WDR41: variants seen among roughly 807,000 people sequenced by gnomAD.
The protein encoded by WDR41 is WD repeat-containing protein 41.
In WDR41, 63 loss-of-function variants were observed where a neutral mutation model predicts 69.3. The observed-to-expected ratio is 0.91, with a 90% CI of 0.74 to 1.12. WDR41 has a LOEUF of 1.12. WDR41 is among the 50% of genes most tolerant of loss of function. The probability of loss-of-function intolerance (pLI) is 0.00; values close to 1 mark genes in which losing one functional copy is unlikely to be tolerated. For missense variants in WDR41, 543 were observed against 534.5 expected (o/e 1.02, Z -0.16); for synonymous variants, 185 against 192.1 (o/e 0.96, Z 0.31).
chr5:77,470,451 G>A (rs1221672017), intron 2 of WDR41, among the ~76,000 whole-genome samples: 1 of 151,988 alleles, frequency 6.6e-6, no homozygotes, highest in Non-Finnish European at 1.5e-5. Context: ...ATGTAAATGG[G>A]CTAAATGCTC....
At chr5:77,477,094 T>G (rs1800975664) in intron 2 of WDR41, among the ~76,000 whole-genome samples, 1 of 147,850 alleles carries the variant, frequency 6.8e-6, no homozygotes, top group Non-Finnish European at 1.5e-5. Flanking sequence ...TACATCATGG[T>G]AAAGGGATCA....
intron 8 of WDR41, among the ~76,000 whole-genome samples, chr5:77,445,693 A>G (rs1799353759): frequency 6.6e-6 from 1 of 152,246 alleles, no homozygotes. Flanking sequence ...ATCTTAATAG[A>G]TGCAGAAAAG....
At chr5:77,469,841 T>C (rs1800490083) in intron 2 of WDR41, among the ~76,000 whole-genome samples, 1 of 152,144 alleles carries the variant, frequency 6.6e-6, no homozygotes, top group South Asian at 2.1e-4. Context: ...GGAACCAAGT[T>C]GGAAAACACT....
chr5:77,582,283 T>C, intron 1 of WDR41: 1 of 1,239,616 alleles, frequency 8.1e-7, no homozygotes, highest in South Asian at 1.3e-5. Context: ...CAACTCTGGC[T>C]CAGCAAGAAA....
At chr5:77,582,926 T>C in intron 1 of WDR41, 1 of 1,609,696 alleles carries the variant, frequency 6.2e-7, no homozygotes. Context: ...AAATACGGCA[T>C]TATCTGCATG....
chr5:77,507,379 G>C (rs1298919855), intron 1 of WDR41, among the ~76,000 whole-genome samples: 1 of 152,190 alleles, frequency 6.6e-6, no homozygotes, highest in Non-Finnish European at 1.5e-5. Context: ...CAAGGCTGTA[G>C]ATGCTTCTTT....
At position 77,617,887 on chromosome 5, in the gene WDR41, T is replaced by C. The variant is rs186684744; in HGVS notation, c.42+2592A>G. Among the ~76,000 whole-genome samples, 13 of 152,272 alleles carry C rather than the reference T, an allele frequency of 8.5e-5. No homozygotes were observed. The East Asian group carries it at 2.5e-3, about 29-fold the overall frequency. On this transcript the variant is annotated intron_variant, in intron 1 of 5. Coordinates refer to the WDR41 transcript ENST00000509971. ...AATGTTGCAAGCAAATAACTACCCA[T>C]ATGAGTGGCAACTTGAGGGCTGAGG...
chr5:77,478,849 T>G (rs1581749840), intron 2 of WDR41, among the ~76,000 whole-genome samples: 2 of 151,546 alleles, frequency 1.3e-5, no homozygotes, highest in Admixed American at 1.3e-4. Context: ...GAGAAGGAAA[T>G]AAAGGGTATT....
chr5:77,558,726 C>T (rs1212510644), intron 1 of WDR41, among the ~76,000 whole-genome samples: 1 of 152,206 alleles, frequency 6.6e-6, no homozygotes, highest in Non-Finnish European at 1.5e-5. Context: ...ATTCCACAAA[C>T]TAATTTTCCA....
intron 1 of WDR41, among the ~76,000 whole-genome samples, chr5:77,543,446 C>T (rs1743130860): frequency 6.6e-6 from 1 of 151,492 alleles, no homozygotes. Flanking sequence ...AAATAGATAG[C>T]ATAAATAAAA....
chr5:77,477,263 A>C (rs1330076567), intron 2 of WDR41, among the ~76,000 whole-genome samples: 1 of 151,066 alleles, frequency 6.6e-6, no homozygotes, highest in Non-Finnish European at 1.5e-5. Flanking sequence ...TAGACAGATC[A>C]ACGAGACAGA....
chr5:77,545,788 T>C, intron 1 of WDR41: 1 of 994,462 alleles, frequency 1.0e-6, no homozygotes, highest in Admixed American at 2.5e-5. Flanking sequence ...AATGGCCACG[T>C]CGGTCTGGGT....
rs765785617 is a variant in WDR41 at position 77,598,644 on chromosome 5, C to CTTTTT, written c.42+21830_42+21834dup. On this transcript the variant is annotated intron_variant, in intron 1 of 5. Coordinates refer to the WDR41 transcript ENST00000509971. The stretch of plus-strand genomic sequence containing the variant: ...GAAGTTATGTGAATCAGTAAGTTTC[C>CTTTTT]TTTTTTTTTTTGTTTTTTTTGTAGC... Among the ~76,000 whole-genome samples, 26 of 121,348 alleles carry CTTTTT rather than the reference C, an allele frequency of 2.1e-4. 2 individuals carry two copies. The highest frequency in any genetic ancestry group is 6.3e-4 in the Admixed American group (7 of 11,034). 79.6% of individuals were successfully genotyped at this position (121,348 alleles called of 152,430 possible). A position where few individuals can be genotyped will look rare whatever the true frequency, so the allele number is the denominator to read the frequency against.
intron 1 of WDR41, among the ~76,000 whole-genome samples, chr5:77,503,944 C>T (rs1335056826): frequency 6.6e-6 from 1 of 152,074 alleles, no homozygotes; most frequent in Non-Finnish European, 1.5e-5. Context: ...AAAATAGACA[C>T]CCTACCGTCA....
At chr5:77,535,313 T>C (rs1742953138) in intron 1 of WDR41, among the ~76,000 whole-genome samples, 1 of 152,202 alleles carries the variant, frequency 6.6e-6, no homozygotes, top group East Asian at 1.9e-4. Context: ...GGGAGAAACA[T>C]GCTATATTTA....
intron 5 of WDR41, chr5:77,458,763 T>C (rs1799928289): frequency 4.6e-6 from 1 of 215,772 alleles, no homozygotes; most frequent in Non-Finnish European, 9.0e-6. Context: ...GCTACTATTA[T>C]GGTCATTCTA....
At chr5:77,536,821 G>A (rs137926790) in intron 1 of WDR41, among the ~76,000 whole-genome samples, 1 of 152,082 alleles carries the variant, frequency 6.6e-6, no homozygotes, top group African/African-American at 2.4e-5. Flanking sequence ...TATGATGTTC[G>A]CACCATGATG....
intron 1 of WDR41, among the ~76,000 whole-genome samples, chr5:77,608,027 C>A (rs1001904150): frequency 2.0e-5 from 3 of 152,140 alleles, no homozygotes; most frequent in Admixed American, 2.0e-4. Flanking sequence ...CCATCCACAA[C>A]CTCTTTTCTC....
intron 12 of WDR41, among the ~76,000 whole-genome samples, chr5:77,434,807 C>G (rs1394491066): frequency 6.6e-6 from 1 of 152,096 alleles, no homozygotes; most frequent in African/African-American, 2.4e-5. Context: ...AACACTTTCA[C>G]TCAGGAAAAT....
Sources: allele counts gnomAD v4.1 joint callset (sites outside exome capture counted in the v4.1 genomes callset), GRCh38; gene constraint gnomAD v4.1.1; transcripts MANE v1.5; gene names NCBI Gene and HGNC (gene_info 2026-07-23, HGNC 2026-07-21).